TAFA2: variants seen among roughly 807,000 people sequenced by gnomAD.
The protein encoded by TAFA2 is chemokine-like protein TAFA-2.
TAFA2 carries 7 observed loss-of-function variants against 18.8 expected under a neutral mutation model. The observed-to-expected ratio is 0.37, with a 90% CI of 0.21 to 0.70. The LOEUF (loss-of-function observed/expected upper bound fraction) is 0.70. TAFA2 is among the 30% of genes least tolerant of loss of function. The pLI, the probability that TAFA2 is intolerant of heterozygous loss-of-function variation, is 0.53. For synonymous variants in TAFA2, 60 were observed against 54.2 expected (o/e 1.11, Z -0.47); for missense variants, 122 against 158.1 (o/e 0.77, Z 1.23).
chr12:62,104,318 AT>A (rs1869349597), intron 1 of TAFA2, among the ~76,000 whole-genome samples: 1 of 151,388 alleles, frequency 6.6e-6, no homozygotes, highest in Non-Finnish European at 1.5e-5. Flanking sequence ...TTCTTTTTAC[AT>A]AATATTGATT....
intron 2 of TAFA2, among the ~76,000 whole-genome samples, chr12:61,801,636 G>A (rs1000064775): frequency 1.3e-5 from 2 of 152,052 alleles, no homozygotes; most frequent in Non-Finnish European, 2.9e-5. Flanking sequence ...TTAAATGTAA[G>A]CCATGAAGCT....
chr12:61,941,517 A>C (rs1220803636), intron 1 of TAFA2, among the ~76,000 whole-genome samples: 2 of 152,160 alleles, frequency 1.3e-5, no homozygotes, highest in Admixed American at 1.3e-4. Context: ...AAGACGGGTG[A>C]TTTCTGCATT....
intron 2 of TAFA2, among the ~76,000 whole-genome samples, chr12:61,828,583 T>C (rs1039384192): frequency 6.6e-6 from 1 of 151,838 alleles, no homozygotes; most frequent in African/African-American, 2.4e-5. Flanking sequence ...TACACAGTAA[T>C]ACACTTGGCA....
At chr12:62,079,031 C>A (rs986703605) in intron 1 of TAFA2, among the ~76,000 whole-genome samples, 2 of 152,210 alleles carry the variant, frequency 1.3e-5, no homozygotes, top group Admixed American at 1.3e-4. Context: ...TAGCTTCCAA[C>A]TACAGCCTTT....
At chr12:61,778,161 T>C (rs993039750) in intron 2 of TAFA2, among the ~76,000 whole-genome samples, 2 of 151,982 alleles carry the variant, frequency 1.3e-5, no homozygotes, top group South Asian at 4.1e-4. Flanking sequence ...AGATCCTGAA[T>C]GTAAAGTGGT....
chr12:61,710,900 GTTTA>G (rs1215917221), intron 4 of TAFA2, among the ~76,000 whole-genome samples: 6 of 151,700 alleles, frequency 4.0e-5, no homozygotes, highest in Non-Finnish European at 4.4e-5. Context: ...AAAATTGAGG[GTTTA>G]TTTGAGTCAA....
At chr12:61,756,211 C>G (rs145834352) in intron 2 of TAFA2, among the ~76,000 whole-genome samples, 19 of 152,110 alleles carry the variant, frequency 1.2e-4, no homozygotes, top group Admixed American at 1.2e-3. Context: ...TGTGTGAGAC[C>G]AAGAAACTCA....
chr12:61,854,338 AG>A (rs1873800142), intron 2 of TAFA2, among the ~76,000 whole-genome samples: 1 of 152,156 alleles, frequency 6.6e-6, no homozygotes, highest in African/African-American at 2.4e-5. Context: ...ATACAGATGA[AG>A]GCAGGAGAGG....
chr12:62,068,053 C>T (rs969997576), intron 1 of TAFA2, among the ~76,000 whole-genome samples: 10 of 151,038 alleles, frequency 6.6e-5, no homozygotes, highest in African/African-American at 2.4e-4. Flanking sequence ...CACAATTCCA[C>T]AATAATGCAA....
intron 1 of TAFA2, among the ~76,000 whole-genome samples, chr12:61,976,223 C>T (rs371061715): frequency 1.3e-5 from 2 of 151,946 alleles, no homozygotes; most frequent in African/African-American, 4.8e-5. Flanking sequence ...CACTGAGCCT[C>T]TGTTGGACTC....
At chr12:62,182,954 T>A (rs2062561284) in intron 1 of TAFA2, among the ~76,000 whole-genome samples, 1 of 152,210 alleles carries the variant, frequency 6.6e-6, no homozygotes, top group African/African-American at 2.4e-5. Flanking sequence ...CCAAGTAATA[T>A]ACTAAAATGG....
intron 1 of TAFA2, among the ~76,000 whole-genome samples, chr12:62,217,914 C>A (rs1054444573): frequency 6.6e-6 from 1 of 152,194 alleles, no homozygotes; most frequent in African/African-American, 2.4e-5. Context: ...AAAAGTTTTA[C>A]TTCTGAACTT....
chr12:62,246,503 A>G (rs1460503720), intron 1 of TAFA2, among the ~76,000 whole-genome samples: 3 of 152,190 alleles, frequency 2.0e-5, no homozygotes, highest in African/African-American at 7.2e-5. Context: ...GAATCAATAT[A>G]TTATCATTAG....
intron 1 of TAFA2, among the ~76,000 whole-genome samples, chr12:62,100,521 G>T (rs1869147735): frequency 6.6e-6 from 1 of 152,058 alleles, no homozygotes; most frequent in African/African-American, 2.4e-5. Flanking sequence ...AATGATTTAT[G>T]GACTAGATCA....
intron 1 of TAFA2, among the ~76,000 whole-genome samples, chr12:62,225,665 A>G (rs996613597): frequency 5.3e-5 from 8 of 152,196 alleles, no homozygotes; most frequent in Non-Finnish European, 8.8e-5. Context: ...AAACAGAGAA[A>G]CATCAAAGGA....
intron 1 of TAFA2, among the ~76,000 whole-genome samples, chr12:61,911,702 G>A (rs954226460): frequency 6.6e-6 from 1 of 152,144 alleles, no homozygotes; most frequent in Admixed American, 6.6e-5. Context: ...GGAAGCATCA[G>A]GTCTGGACAG....
chr12:61,797,135 A>G (rs929803978), intron 2 of TAFA2, among the ~76,000 whole-genome samples: 8 of 152,180 alleles, frequency 5.3e-5, no homozygotes, highest in Non-Finnish European at 5.9e-5. Flanking sequence ...ATTTAGTCCA[A>G]TTGGTTGTAG....
intron 1 of TAFA2, among the ~76,000 whole-genome samples, chr12:62,221,242 GAAGGAAGGAA>G (rs2062761164): frequency 6.7e-6 from 1 of 149,642 alleles, no homozygotes; most frequent in Non-Finnish European, 1.5e-5. Context: ...AGGAAGGAAG[GAAGGAAGGAA>G]GGAAGGAAGG....
At chr12:62,147,316 GTGTATGTATGTATATATA>G (rs1201738508) in intron 1 of TAFA2, among the ~76,000 whole-genome samples, 665 of 45,286 alleles carry the variant, frequency 0.015, 12 homozygotes, top group Middle Eastern at 0.081. Context: ...GTGTGTGTGT[GTGTATGTATGTATATATA>G]TATATATATA....
Sources: gnomAD v4.1 joint callset for allele counts (sites outside exome capture counted in the v4.1 genomes callset) on GRCh38, gnomAD v4.1.1 for gene constraint, MANE v1.5 for transcripts, NCBI Gene and HGNC (gene_info 2026-07-23, HGNC 2026-07-21) for gene names.